TCERG1: variants seen among roughly 807,000 people sequenced by gnomAD.
TCERG1 encodes transcription elongation regulator 1.
TCERG1 carries 37 observed loss-of-function variants against 144.7 expected under a neutral mutation model. The ratio of observed to expected loss-of-function variants is 0.26; its 90% CI spans 0.20 to 0.34. The LOEUF is 0.34. Among genes scored for constraint, TCERG1 ranks in the 10% least tolerant of loss-of-function variants. The probability of loss-of-function intolerance (pLI) is 1.00; values close to 1 mark genes in which losing one functional copy is unlikely to be tolerated. For missense variants in TCERG1, 1,027 were observed against 1,380.7 expected (o/e 0.74, Z 4.06); for synonymous variants, 492 against 458.2 (o/e 1.07, Z -0.94).
chr5:146,465,913 G>T (rs1057092969), intron 5 of TCERG1, among the ~76,000 whole-genome samples: 1 of 151,708 alleles, frequency 6.6e-6, no homozygotes, highest in Non-Finnish European at 1.5e-5. Context: ...CCAGCTACTC[G>T]GGAGGCTGAG....
chr5:146,471,632 T>G (rs1279069723), intron 9 of TCERG1, 56 bp downstream of exon 9: 11 of 1,467,410 alleles, frequency 7.5e-6, no homozygotes, highest in Non-Finnish European at 1.0e-5. Context: ...GGAGTCTCAC[T>G]CTGTCACCAG....
intron 8 of TCERG1, among the ~76,000 whole-genome samples, 180 bp from the exon 9 acceptor site, chr5:146,471,308 G>T (rs1370451258): frequency 1.3e-5 from 2 of 152,196 alleles, no homozygotes; most frequent in Non-Finnish European, 2.9e-5. Flanking sequence ...TTCTGCTATT[G>T]TGAAATTCAG....
At position 146,470,626 on chromosome 5, in the gene TCERG1, T is replaced by C. The variant is rs768940732; in HGVS notation, c.1400-10T>C. On this transcript the variant is annotated splice_polypyrimidine_tract_variant and intron_variant, in intron 7 of 22. Coordinates refer to ENST00000679501, the MANE Select transcript of TCERG1 (RefSeq NM_001382548.1). ...ACCTTTGAGTGACATTATCTTAATT[T>C]TTTTCATAGAAAAGTTAGAAGAGAA... The C allele has an allele frequency of 6.3e-7, 1 of 1,588,710 alleles. No individual in the cohort carries two copies. Among genetic ancestry groups the C allele is most frequent in the East Asian group, 2.2e-5 (1 of 44,744 alleles).
At chr5:146,449,158 A>G (rs1762147735) in intron 1 of TCERG1, among the ~76,000 whole-genome samples, 1 of 152,174 alleles carries the variant, frequency 6.6e-6, no homozygotes, top group South Asian at 2.1e-4. Context: ...TTTTTGCATT[A>G]TATTTGTAAC....
At position 146,503,403 on chromosome 5, in the gene TCERG1, C is replaced by A; in HGVS notation, c.2462C>A (p.Ser821Tyr). The A allele has an allele frequency of 6.2e-7, 1 of 1,613,384 alleles. No individual in the cohort carries two copies. Among genetic ancestry groups the A allele is most frequent in the East Asian group, 2.2e-5 (1 of 44,790 alleles). ...AAATCGGATTTCTTTGAACTATTATCTAATCATCACTTGGACAGTCAGTCT... is the reference window on the plus strand; with the variant it reads ...AAATCGGATTTCTTTGAACTATTATATAATCATCACTTGGACAGTCAGTCT... ...KIKSDFFELL[S>Y]NHHLDSQSRW... Residue 821 changes from serine to tyrosine, a missense_variant, in exon 18 of 23, where the codon TCT becomes TAT. Coordinates refer to ENST00000679501, the MANE Select transcript of TCERG1 (RefSeq NM_001382548.1).
intron 16 of TCERG1, among the ~76,000 whole-genome samples, chr5:146,497,813 T>G (rs1767071321): frequency 1.3e-5 from 2 of 152,186 alleles, no homozygotes; most frequent in Admixed American, 1.3e-4. Flanking sequence ...TATTCTCCCT[T>G]TAATACTACT....
chr5:146,479,582 A>T (rs1176285472), intron 10 of TCERG1, among the ~76,000 whole-genome samples: 1 of 152,182 alleles, frequency 6.6e-6, no homozygotes, highest in Non-Finnish European at 1.5e-5. Context: ...ATTAACGTGC[A>T]TTGTTAAAAG....
intron 1 of TCERG1, among the ~76,000 whole-genome samples, chr5:146,451,483 C>G (rs572827625): frequency 6.6e-6 from 1 of 151,688 alleles, no homozygotes; most frequent in African/African-American, 2.4e-5. Context: ...CCACCACACC[C>G]GGCTAATTTC....
chr5:146,459,986 CT>C (rs753195356), intron 4 of TCERG1, among the ~76,000 whole-genome samples: 2 of 151,962 alleles, frequency 1.3e-5, no homozygotes, highest in Non-Finnish European at 2.9e-5. Context: ...CACTGGGGGC[CT>C]GTATAAATGC....
rs535539552 is a variant in TCERG1, at chr5:146,452,145, G to T, written c.60-2911G>T. ...TGTGTCAGAATTGAACGATGATGTG[G>T]TAAATTTAGAGAAAGTTCAAAGGGT... On this transcript the variant is annotated intron_variant, in intron 1 of 22. Transcript: ENST00000679501. 8.8e-4 allele frequency among the ~76,000 whole-genome samples: 134 copies of T among 152,214 alleles called. 1 individual carries two copies. Among genetic ancestry groups the T allele is most frequent in the African/African-American group, 3.1e-3 (130 of 41,556 alleles).
intron 15 of TCERG1, among the ~76,000 whole-genome samples, chr5:146,488,618 G>A (rs1490033339): frequency 6.6e-6 from 1 of 152,174 alleles, no homozygotes; most frequent in Non-Finnish European, 1.5e-5. Flanking sequence ...TTTATATACT[G>A]TTGGTTAGAA....
chr5:146,469,829 T>A, intron 7 of TCERG1, 85 bp downstream of exon 7: 1 of 1,046,360 alleles, frequency 9.6e-7, no homozygotes, highest in Non-Finnish European at 1.3e-6. Context: ...AATTTCTTTT[T>A]AACATATTTG....
chr5:146,452,285 T>A (rs925690882), intron 1 of TCERG1, among the ~76,000 whole-genome samples: 5 of 147,914 alleles, frequency 3.4e-5, no homozygotes, highest in East Asian at 2.9e-4. Flanking sequence ...ATTCCTCTCT[T>A]GAGGACAGAA....
At position 146,459,298 on chromosome 5, in the gene TCERG1, A is replaced by C. The variant is rs1393950554; in HGVS notation, c.853A>C (p.Thr285Pro). ...SSSTPSSTTS[T>P]TTTATSVAQT... ...ATCCACCCCTTCCTCTACCACTTCT[A>C]CCACAACAACTGCTACTTCAGTTGC... Residue 285 changes from threonine (T) to proline (P), a missense_variant, in exon 4 of 23, where the codon ACC (threonine) becomes CCC (proline). Coordinates refer to ENST00000679501, the MANE Select transcript of TCERG1 (RefSeq NM_001382548.1). 6.2e-7 allele frequency: 1 copy of C among 1,614,172 alleles called. No individual in the cohort carries two copies. Among genetic ancestry groups the C allele is most frequent in the South Asian group, 1.1e-5 (1 of 91,084 alleles).
chr5:146,507,976 A>G lies in TCERG1; in HGVS notation c.3045+20A>G. The G allele has an allele frequency of 5.1e-6, 8 of 1,568,920 alleles. No individual in the cohort carries two copies. Among genetic ancestry groups the G allele is most frequent in the Non-Finnish European group, 7.0e-6 (8 of 1,147,142 alleles). Reference sequence around the variant, plus strand: ...GACAGGGTAAGAGGATTTTGTGTCGAGATTTACTGTCAGTCTATAAATACT... The same window carrying G: ...GACAGGGTAAGAGGATTTTGTGTCGGGATTTACTGTCAGTCTATAAATACT... On this transcript the variant is annotated intron_variant, in intron 21 of 22. Transcript: ENST00000679501. The surrounding 1 kb of genome is among the most constrained non-coding windows in gnomAD (Gnocchi z 4.6).
At chr5:146,452,296 A>G (rs1439223342) in intron 1 of TCERG1, among the ~76,000 whole-genome samples, 1 of 143,860 alleles carries the variant, frequency 7.0e-6, no homozygotes, top group African/African-American at 2.6e-5. Context: ...GAGGACAGAA[A>G]TGTAGGTTTT....
At chr5:146,487,393 A>G (rs995196188) in intron 15 of TCERG1, among the ~76,000 whole-genome samples, 12 of 152,176 alleles carry the variant, frequency 7.9e-5, no homozygotes, top group Non-Finnish European at 1.6e-4. Flanking sequence ...AAAGCAATCT[A>G]CAGATTCAGT....
At chr5:146,472,133 C>G (rs942144151) in intron 9 of TCERG1, among the ~76,000 whole-genome samples, 2 of 152,130 alleles carry the variant, frequency 1.3e-5, no homozygotes, top group African/African-American at 4.8e-5. Flanking sequence ...GATCCTGAAT[C>G]TACTTTTTGT....
chr5:146,506,618 GA>G (rs1317912279), intron 19 of TCERG1, among the ~76,000 whole-genome samples: 1 of 152,170 alleles, frequency 6.6e-6, no homozygotes, highest in Non-Finnish European at 1.5e-5. Flanking sequence ...TGCTGTCTCT[GA>G]AACTTCATTA....
Sources: gnomAD v4.1 joint callset for allele counts (sites outside exome capture counted in the v4.1 genomes callset) on GRCh38, gnomAD v4.1.1 for gene constraint, Gnocchi (gnomAD v3.1) non-coding constraint, MANE v1.5 for transcripts, NCBI Gene and HGNC (gene_info 2026-07-23, HGNC 2026-07-21) for gene names.